The following CECR2 variants were observed in gnomAD, a reference collection of about 807,000 sequenced individuals.
CECR2 encodes the protein chromatin remodeling regulator CECR2.
A neutral mutation model predicts 154.5 loss-of-function variants in CECR2; 30 were observed. The observed-to-expected ratio is 0.19, with a 90% CI of 0.15 to 0.26. The LOEUF is 0.26. Ranked by LOEUF, CECR2 falls within the 10% of genes least tolerant of loss-of-function variation. The pLI, the probability that CECR2 is intolerant of heterozygous loss-of-function variation, is 1.00. For missense variants in CECR2, 1,743 were observed against 1,829.3 expected, an observed-to-expected ratio of 0.95 and a Z score of 0.86; for synonymous variants, 725 against 683.7, an observed-to-expected ratio of 1.06 and a Z score of -0.94.
chr22:17,448,865 TTTTA>T (rs764309182), intron 1 of CECR2, among the ~76,000 whole-genome samples: 1 of 151,990 alleles, frequency 6.6e-6, no homozygotes, highest in Non-Finnish European at 1.5e-5. Flanking sequence ...GATTCCTCTT[TTTTA>T]TTTATTTATT....
chr22:17,535,731 A>G (rs758595770), intron 9 of CECR2, among the ~76,000 whole-genome samples: 152 of 109,348 alleles, frequency 1.4e-3, no homozygotes, highest in African/African-American at 2.9e-3. Flanking sequence ...TTAGAAGTCG[A>G]AAAAAAAAAT....
upstream of CECR2, among the ~76,000 whole-genome samples, chr22:17,366,217 TCTCA>T (rs1482682271): frequency 6.6e-6 from 1 of 152,074 alleles, no homozygotes; most frequent in African/African-American, 2.4e-5. Context: ...TGAGATTGAG[TCTCA>T]CTCTGTCGCT....
chr22:17,525,058 C>T (rs954653597), intron 9 of CECR2, among the ~76,000 whole-genome samples: 9 of 148,280 alleles, frequency 6.1e-5, no homozygotes, highest in Admixed American at 6.7e-5. Flanking sequence ...CCAAGGGGGG[C>T]GGATCACATG....
chr22:17,529,639 C>G (rs1039212336), intron 9 of CECR2, among the ~76,000 whole-genome samples: 5 of 151,412 alleles, frequency 3.3e-5, no homozygotes, highest in African/African-American at 9.7e-5. Context: ...GGCGGAGCTT[C>G]CAGTGAGCCG....
intron 1 of CECR2, among the ~76,000 whole-genome samples, chr22:17,377,957 T>C (rs913509149): frequency 6.6e-6 from 1 of 152,182 alleles, no homozygotes; most frequent in Non-Finnish European, 1.5e-5. Flanking sequence ...GAAGCTGTTA[T>C]ATGAGGAATG....
chr22:17,493,612 G>A (rs2055569420), intron 2 of CECR2, among the ~76,000 whole-genome samples: 1 of 152,174 alleles, frequency 6.6e-6, no homozygotes, highest in Non-Finnish European at 1.5e-5. Flanking sequence ...AGTTAAGGTG[G>A]CATGGAGATA....
At chr22:17,363,248 C>A (rs1279636845) in intron 1 of CECR2, among the ~76,000 whole-genome samples, 1 of 151,074 alleles carries the variant, frequency 6.6e-6, no homozygotes, top group African/African-American at 2.4e-5. Flanking sequence ...GTCTCGCTTT[C>A]GCCAGGCTGG....
chr22:17,500,374 G>A (rs2055715090), intron 4 of CECR2, among the ~76,000 whole-genome samples: 1 of 152,096 alleles, frequency 6.6e-6, no homozygotes, highest in Non-Finnish European at 1.5e-5. Context: ...CTCTTATTTA[G>A]GCTTTCTTAC....
At chr22:17,530,213 C>T (rs174330) in intron 9 of CECR2, among the ~76,000 whole-genome samples, 30,891 of 150,068 alleles carry the variant, frequency 0.21, 3,349 homozygotes, top group Admixed American at 0.3. Flanking sequence ...ATTACCCATA[C>T]TTTTGTTGTT....
chr22:17,447,463 C>A (rs1308925911), intron 1 of CECR2, among the ~76,000 whole-genome samples: 1 of 151,674 alleles, frequency 6.6e-6, no homozygotes, highest in Non-Finnish European at 1.5e-5. Context: ...GTTTACAATC[C>A]TTTAGCTAGA....
At chr22:17,511,421 C>T (rs1247103015) in intron 7 of CECR2, among the ~76,000 whole-genome samples, 1 of 152,134 alleles carries the variant, frequency 6.6e-6, no homozygotes, top group Non-Finnish European at 1.5e-5. Context: ...CTTTGCCCGG[C>T]GGCCCACCTC....
intron 1 of CECR2, among the ~76,000 whole-genome samples, chr22:17,404,674 T>A (rs1206288134): frequency 6.6e-6 from 1 of 152,140 alleles, no homozygotes; most frequent in Non-Finnish European, 1.5e-5. Context: ...CGCCTGGCCC[T>A]GGACCCTGTT....
chr22:17,396,256 A>C (rs2053808662), intron 1 of CECR2, among the ~76,000 whole-genome samples: 1 of 151,272 alleles, frequency 6.6e-6, no homozygotes, highest in South Asian at 2.1e-4. Context: ...AAAAAAAAAA[A>C]AAACAAGGCC....
At position 17,385,049 on chromosome 22, in the gene CECR2, C is replaced by G. The variant is rs115032881; in HGVS notation, c.126+15140C>G. Reference sequence around the variant, plus strand: ...CAACTTTTCTTCTGCAGTTTCCTCACCTTTCTAAGCCTTCGTAGAATTGAA... The same window carrying G: ...CAACTTTTCTTCTGCAGTTTCCTCAGCTTTCTAAGCCTTCGTAGAATTGAA... On this transcript the variant is annotated intron_variant, in intron 1 of 18. Coordinates refer to ENST00000262608, the MANE Select transcript of CECR2 (RefSeq NM_001290047.2). Among the ~76,000 whole-genome samples the G allele has an allele frequency of 2.2e-3, 328 of 152,326 alleles. 2 individuals are homozygous for G. The highest frequency in any genetic ancestry group is 7.6e-3 in the African/African-American group (318 of 41,570).
intron 1 of CECR2, among the ~76,000 whole-genome samples, chr22:17,472,558 C>T (rs868097575): frequency 6.6e-6 from 1 of 152,162 alleles, no homozygotes; most frequent in Admixed American, 6.5e-5. Flanking sequence ...TAAAATACAA[C>T]AAACACGATT....
rs1205857112 is a variant in CECR2 at position 17,555,691 on chromosome 22, G to T, written c.*2851G>T. 6.6e-6 allele frequency: 1 copy of T among 152,208 alleles called. No homozygotes were observed. Among genetic ancestry groups the T allele is most frequent in the Non-Finnish European group, 1.5e-5 (1 of 68,044 alleles). The allele number at this position is 152,208 out of a possible 1,614,324, so 9.4% of individuals were successfully genotyped here. A position where few individuals can be genotyped will look rare whatever the true frequency, so the allele number is the denominator to read the frequency against. On this transcript the variant is annotated 3_prime_UTR_variant, in exon 19 of 19. Coordinates refer to ENST00000262608, the MANE Select transcript of CECR2 (RefSeq NM_001290047.2). ...TCCATTAGGAAAATGATGGTTATGT[G>T]ATATGTTATATTTAGGAAGTAGTGT...
intron 4 of CECR2, 49 bp from the exon 5 acceptor site, chr22:17,500,582 G>A (rs1341507179): frequency 7.7e-7 from 1 of 1,296,120 alleles, no homozygotes; most frequent in South Asian, 1.4e-5. Context: ...ATCATATGTA[G>A]CAATGCCAAT....
chr22:17,364,647 C>T (rs990074559), upstream of CECR2, among the ~76,000 whole-genome samples: 1 of 151,856 alleles, frequency 6.6e-6, no homozygotes, highest in African/African-American at 2.4e-5. Context: ...AGTTCCAGAC[C>T]AGCCTGGCCA....
At chr22:17,369,054 A>G (rs2063021836), upstream of CECR2, among the ~76,000 whole-genome samples, 1 of 152,076 alleles carries the variant, frequency 6.6e-6, no homozygotes, top group Non-Finnish European at 1.5e-5. Context: ...TGCCCTCGGC[A>G]TCAATAATAA....
Sources: gnomAD v4.1 joint callset for allele counts (sites outside exome capture counted in the v4.1 genomes callset) on GRCh38, gnomAD v4.1.1 for gene constraint, MANE v1.5 for transcripts, NCBI Gene and HGNC (gene_info 2026-07-23, HGNC 2026-07-21) for gene names.